The following ACTN4 variants were observed in gnomAD, a reference collection of about 807,000 sequenced individuals.
ACTN4 encodes the protein alpha-actinin-4.
A neutral mutation model predicts 114.2 loss-of-function variants in ACTN4; 18 were observed. That is an observed-to-expected ratio of 0.16 (90% CI 0.11 to 0.23). The LOEUF is 0.23. Ranked by LOEUF, ACTN4 falls within the 10% of genes least tolerant of loss-of-function variation. ACTN4 has a pLI of 1.00. For missense variants in ACTN4, 722 were observed against 1,262.9 expected (o/e 0.57, Z 6.49); for synonymous variants, 515 against 506.3 (o/e 1.02, Z -0.23).
chr19:38,729,530 T>TG lies in ACTN4; in HGVS notation c.*98_*99insG. ...TCCACTCTGTATCTATGCAAAGCAC[T>TG]CTCTGCAGTCCTCCGGGGTGGGTGG... On this transcript the variant is annotated 3_prime_UTR_variant, in exon 21 of 21. Transcript: ENST00000252699. 1 of 494,686 alleles carries TG rather than the reference T, an allele frequency of 2.0e-6. No individual in the cohort carries two copies. The highest frequency in any genetic ancestry group is 3.6e-6 in the Non-Finnish European group (1 of 280,374). 30.6% of individuals were successfully genotyped at this position (494,686 alleles called of 1,614,324 possible).
At position 38,708,143 on chromosome 19, in the gene ACTN4, C is replaced by T. The variant is rs1968521283; in HGVS notation, c.599C>T (p.Ala200Val). 2 of 1,614,208 alleles carry T rather than the reference C, an allele frequency of 1.2e-6. No individual in the cohort carries two copies. The highest frequency in any genetic ancestry group is 1.3e-5 in the African/African-American group (1 of 75,056). ...TGGAAGGATGGTCTTGCCTTCAATG[C>T]CCTGATCCACCGGCACAGACCAGAG... ...ISWKDGLAFN[A>V]LIHRHRPELI... The change falls in exon 6 of 21, where the codon GCC becomes GTC. Residue 200 changes from alanine (A) to valine (V), a missense_variant. By Grantham distance (64) the Ala-to-Val change is moderately conservative. Around this residue, in one of 3 missense-constraint regions of ACTN4, gnomAD observed 127 missense variants for 311.3 expected, o/e 0.41. Transcript: ENST00000252699.
chr19:38,728,805 T>A (rs955735170), intron 19 of ACTN4, among the ~76,000 whole-genome samples, 191 bp from the exon 20 acceptor site: 2 of 152,134 alleles, frequency 1.3e-5, no homozygotes, highest in African/African-American at 4.8e-5. Flanking sequence ...CTTGGAGGCC[T>A]GGGTCAGCTG....
In ACTN4 at chr19:38,690,640, G is replaced by A. The variant is rs191345635; in HGVS notation, c.163-9960G>A. Among the ~76,000 whole-genome samples the A allele has an allele frequency of 3.4e-4, 52 of 152,282 alleles. No homozygotes were observed. In the East Asian group the frequency reaches 3.5e-3, roughly 10 times the overall value. On this transcript the variant is annotated intron_variant, in intron 1 of 20. Transcript: ENST00000252699. ...GGAGCTCTAAGAACAAAGACCCACCGGTAACAGCCAGGCTGGTCTTGAACT... is the reference window on the plus strand; with the variant it reads ...GGAGCTCTAAGAACAAAGACCCACCAGTAACAGCCAGGCTGGTCTTGAACT...
chr19:38,676,556 C>G (rs1967381763), intron 1 of ACTN4, among the ~76,000 whole-genome samples: 1 of 152,218 alleles, frequency 6.6e-6, no homozygotes, highest in South Asian at 2.1e-4. Context: ...TTGCATCCTG[C>G]AGAACACCAC....
intron 1 of ACTN4, among the ~76,000 whole-genome samples, chr19:38,670,417 G>A (rs1967092139): frequency 6.6e-6 from 1 of 152,220 alleles, no homozygotes; most frequent in Non-Finnish European, 1.5e-5. Context: ...GAGGAGAATG[G>A]ATGTGAGTGT....
At chr19:38,720,251 C>T (rs890081689) in intron 11 of ACTN4, among the ~76,000 whole-genome samples, 16 of 152,314 alleles carry the variant, frequency 1.1e-4, no homozygotes, top group Admixed American at 2.6e-4. Context: ...CCTGGGAATA[C>T]GACCAACCCC....
rs868662456 is a variant in ACTN4 at position 38,727,633 on chromosome 19, C to G, written c.2338-313C>G. On this transcript the variant is annotated intron_variant, in intron 18 of 20. Transcript: ENST00000252699. The surrounding 1 kb of genome is among the most constrained non-coding windows in gnomAD (Gnocchi z 5.4). ...AATCCCAAAGGCAAGGAGAACCCCCCCCCCGACCCTCCACCAGTCCTGGGA... is the reference window on the plus strand; with the variant it reads ...AATCCCAAAGGCAAGGAGAACCCCCGCCCCGACCCTCCACCAGTCCTGGGA... 2.1e-4 allele frequency among the ~76,000 whole-genome samples: 29 copies of G among 139,884 alleles called. 1 individual carries two copies. In the South Asian group the frequency reaches 5.9e-3, roughly 28 times the overall value. The allele number at this position is 139,884 out of a possible 152,430, so 91.8% of individuals were successfully genotyped here. A position where few individuals can be genotyped will look rare whatever the true frequency, so the allele number is the denominator to read the frequency against.
chr19:38,725,605 G>A, intron 16 of ACTN4, 119 bp from the exon 17 acceptor site: 1 of 1,159,708 alleles, frequency 8.6e-7, no homozygotes, highest in Middle Eastern at 2.5e-4. Context: ...ATGGGCCAAG[G>A]CCCCAGGCCA....
chr19:38,707,817 C>T (rs1968511214), intron 5 of ACTN4, among the ~76,000 whole-genome samples: 2 of 152,202 alleles, frequency 1.3e-5, no homozygotes, highest in South Asian at 4.1e-4. Flanking sequence ...ATTTAATCCG[C>T]ACAACAGCCC....
Position 38,727,191 on chromosome 19 carries a change from C to T in ACTN4, c.2337+88C>T. Reference sequence around the variant, plus strand: ...TCGTCTCTGCATCTGTTCGTCCATTCCCATCACAGTTGCTGAGCGTCGGCC... The same window carrying T: ...TCGTCTCTGCATCTGTTCGTCCATTTCCATCACAGTTGCTGAGCGTCGGCC... On this transcript the variant is annotated intron_variant, in intron 18 of 20. Coordinates refer to ENST00000252699, the MANE Select transcript of ACTN4 (RefSeq NM_004924.6). The surrounding 1 kb of genome is among the most constrained non-coding windows in gnomAD (Gnocchi z 5.4). 1 of 1,592,716 alleles carries T rather than the reference C, an allele frequency of 6.3e-7. No homozygotes were observed. Among genetic ancestry groups the T allele is most frequent in the Middle Eastern group, 1.7e-4 (1 of 6,012 alleles).
chr19:38,712,954 C>T (rs544078904), intron 8 of ACTN4, among the ~76,000 whole-genome samples: 92 of 135,388 alleles, frequency 6.8e-4, no homozygotes, highest in African/African-American at 2.4e-3. Flanking sequence ...TGTCACTGGC[C>T]CCTCTCTGAG....
At chr19:38,708,885 A>G (rs1204229764) in intron 6 of ACTN4, among the ~76,000 whole-genome samples, 1 of 152,168 alleles carries the variant, frequency 6.6e-6, no homozygotes, top group Non-Finnish European at 1.5e-5. Context: ...AGCCACAGTG[A>G]GCAAGAGAGC....
chr19:38,697,037 T>C (rs1330341469), intron 1 of ACTN4, among the ~76,000 whole-genome samples: 1 of 152,042 alleles, frequency 6.6e-6, no homozygotes, highest in Non-Finnish European at 1.5e-5. Context: ...GTGAGGAAAC[T>C]GAGGCTTATT....
chr19:38,653,925 C>T (rs1976639549), intron 1 of ACTN4, among the ~76,000 whole-genome samples: 1 of 152,188 alleles, frequency 6.6e-6, no homozygotes, highest in African/African-American at 2.4e-5. Flanking sequence ...TGAAAGAAGT[C>T]TTTCTATCAC....
At chr19:38,708,361 C>A (rs961167708) in intron 6 of ACTN4, among the ~76,000 whole-genome samples, 166 bp downstream of exon 6, 34 of 152,210 alleles carry the variant, frequency 2.2e-4, no homozygotes, top group African/African-American at 8.0e-4. Flanking sequence ...CAACCCCTGG[C>A]TCGGTGGCTG....
Position 38,678,515 on chromosome 19 carries a change from T to G in ACTN4, c.163-22085T>G, listed in dbSNP as rs899226523. 2.0e-5 allele frequency among the ~76,000 whole-genome samples: 3 copies of G among 152,190 alleles called. No individual in the cohort carries two copies. The East Asian group carries it at 5.8e-4, about 29-fold the overall frequency. On this transcript the variant is annotated intron_variant, in intron 1 of 20. Coordinates refer to ENST00000252699, the MANE Select transcript of ACTN4 (RefSeq NM_004924.6). ...GGAAGGAAGGGAAGTCTAGGCTGTC[T>G]TTGGTGGCCATTGTTATTTATGGGG...
intron 11 of ACTN4, chr19:38,718,363 C>G: frequency 1.0e-5 from 5 of 501,190 alleles, no homozygotes; most frequent in South Asian, 9.2e-5. Flanking sequence ...CCTGCCTATA[C>G]AAAAAAATTT....
At chr19:38,672,998 A>C (rs544898750) in intron 1 of ACTN4, among the ~76,000 whole-genome samples, 100 of 144,462 alleles carry the variant, frequency 6.9e-4, no homozygotes, top group African/African-American at 2.4e-3. Context: ...GCTGGAGTGC[A>C]GTGGCACAAT....
intron 1 of ACTN4, among the ~76,000 whole-genome samples, chr19:38,656,103 C>T (rs765882280): frequency 3.9e-5 from 6 of 152,162 alleles, no homozygotes; most frequent in African/African-American, 1.2e-4. Context: ...TTTCTTTCTT[C>T]GTTTTTCTTG....
Sources: gnomAD v4.1 joint callset for allele counts (sites outside exome capture counted in the v4.1 genomes callset) on GRCh38, gnomAD v4.1.1 for gene constraint, gnomAD v4.1.1 regional missense constraint, Gnocchi (gnomAD v3.1) non-coding constraint, MANE v1.5 for transcripts, NCBI Gene and HGNC (gene_info 2026-07-23, HGNC 2026-07-21) for gene names.